Variants in STK3 observed in about 807,000 individuals in gnomAD.
The protein encoded by STK3 is serine/threonine kinase 3, also known as serine/threonine-protein kinase 3.
STK3 carries 41 observed loss-of-function variants against 58.0 expected under a neutral mutation model. The observed-to-expected ratio is 0.71, with a 90% CI of 0.55 to 0.92. The LOEUF is 0.92. STK3 is among the 40% of genes least tolerant of loss of function. The probability of loss-of-function intolerance (pLI) is 0.00; values close to 1 mark genes in which losing one functional copy is unlikely to be tolerated. For missense variants in STK3, 479 were observed against 602.7 expected (o/e 0.79, Z 2.15); for synonymous variants, 170 against 191.0 (o/e 0.89, Z 0.91).
chr8:98,519,110 C>T (rs1252768967), intron 10 of STK3, among the ~76,000 whole-genome samples: 1 of 152,072 alleles, frequency 6.6e-6, no homozygotes, highest in African/African-American at 2.4e-5. Flanking sequence ...TGCTTAAATA[C>T]TTCACTCAAC....
Position 98,707,081 on chromosome 8 carries a change from A to G in STK3, c.516+66T>C, listed in dbSNP as rs1826020152. 2.0e-6 allele frequency: 3 copies of G among 1,472,864 alleles called. No homozygotes were observed. The East Asian group carries it at 7.5e-5, about 37-fold the overall frequency. 91.2% of individuals were successfully genotyped at this position (1,472,864 alleles called of 1,614,324 possible). ...CCATTCCCCCTCAAAAAGTAATTGA[A>G]GTTTAGTTATAATCAAATCTGAACA... On this transcript the variant is annotated intron_variant, in intron 5 of 10. Transcript: ENST00000419617.
At chr8:98,365,841 C>A in the STK3 span, among the ~76,000 whole-genome samples, 6 of 152,170 alleles carry the variant, frequency 3.9e-5, no homozygotes, top group African/African-American at 1.4e-4. Context: ...CTAGATCTAG[C>A]TATATTGATA....
intron 4 of STK3, among the ~76,000 whole-genome samples, chr8:98,734,839 A>G (rs1828454400): frequency 6.6e-6 from 1 of 152,132 alleles, no homozygotes; most frequent in Non-Finnish European, 1.5e-5. Context: ...CTCAAAAAAA[A>G]AAAGCTCATA....
At chr8:98,646,175 T>C (rs1470685073) in intron 6 of STK3, among the ~76,000 whole-genome samples, 1 of 152,224 alleles carries the variant, frequency 6.6e-6, no homozygotes, top group Non-Finnish European at 1.5e-5. Flanking sequence ...ACTTTTCAAA[T>C]GCTACCACTG....
At chr8:98,384,247 C>A (rs2131004745) in intron 1 of STK3, among the ~76,000 whole-genome samples, 1 of 152,254 alleles carries the variant, frequency 6.6e-6, no homozygotes, top group South Asian at 2.1e-4. Flanking sequence ...CAACTGGAGG[C>A]TTCTAAAGGA....
chr8:98,809,919 T>C (rs779161078), intron 1 of STK3, among the ~76,000 whole-genome samples: 1 of 152,210 alleles, frequency 6.6e-6, no homozygotes, highest in Non-Finnish European at 1.5e-5. Flanking sequence ...AGAGGTTTAA[T>C]TGGCTCATGG....
chr8:98,916,978 G>A (rs137924881), intron 1 of STK3, among the ~76,000 whole-genome samples: 1 of 152,192 alleles, frequency 6.6e-6, no homozygotes, highest in African/African-American at 2.4e-5. Context: ...TGGAGGAGGA[G>A]CATCTGTTCT....
At position 98,428,241 on chromosome 8, in the gene STK3, G is replaced by A; in HGVS notation, n.483+5886C>T. Reference sequence around the variant, plus strand: ...CTACGTGCTGCATTTCTATCACACCGGCAAGCTTCACGTCATGGCTGAGCT... The same window carrying A: ...CTACGTGCTGCATTTCTATCACACCAGCAAGCTTCACGTCATGGCTGAGCT... On this transcript the variant is annotated intron_variant and non_coding_transcript_variant, in intron 3 of 3. Transcript: ENST00000517832. The surrounding 1 kb of genome is among the most constrained non-coding windows in gnomAD (Gnocchi z 6.7). 6.2e-7 allele frequency: 1 copy of A among 1,614,084 alleles called. No homozygotes were observed. Among genetic ancestry groups the A allele is most frequent in the Non-Finnish European group, 8.5e-7 (1 of 1,180,034 alleles).
intron 6 of STK3, chr8:98,638,602 T>C (rs1819787914): frequency 6.6e-6 from 1 of 152,180 alleles, no homozygotes; most frequent in South Asian, 2.1e-4. Context: ...TGAATAAAAG[T>C]GACTTCTTTA....
intron 7 of STK3, among the ~76,000 whole-genome samples, chr8:98,583,415 T>C (rs1427936277): frequency 1.3e-5 from 2 of 151,254 alleles, no homozygotes; most frequent in African/African-American, 4.9e-5. Flanking sequence ...AAGTGATTTT[T>C]ATGCAAACCA....
At chr8:98,917,457 CTAA>C in intron 1 of STK3, among the ~76,000 whole-genome samples, 1 of 152,266 alleles carries the variant, frequency 6.6e-6, no homozygotes, top group South Asian at 2.1e-4. Flanking sequence ...TCTTTAAATC[CTAA>C]CCCCCAATTT....
chr8:98,570,329 C>T lies in STK3; in HGVS notation c.948+9335G>A, dbSNP rs540637120. Among the ~76,000 whole-genome samples the T allele has an allele frequency of 1.4e-3, 218 of 150,808 alleles. 1 individual carries two copies. The highest frequency in any genetic ancestry group is 6.8e-3 in the Middle Eastern group (2 of 294). Reference sequence around the variant, plus strand: ...TTTTTAATTTTTTTTTTTGTAGAGACAGGGTTTCACTATGTTGCCCAGGCT... The same window carrying T: ...TTTTTAATTTTTTTTTTTGTAGAGATAGGGTTTCACTATGTTGCCCAGGCT... On this transcript the variant is annotated intron_variant, in intron 8 of 10. Transcript: ENST00000419617.
intron 10 of STK3, among the ~76,000 whole-genome samples, chr8:98,501,492 T>C (rs1466888009): frequency 6.6e-6 from 1 of 152,254 alleles, no homozygotes; most frequent in African/African-American, 2.4e-5. Context: ...GCCTATGTCC[T>C]GAATGGTATT....
At position 98,455,653 on chromosome 8, in the gene STK3, G is replaced by A. The variant is rs1819437449; in HGVS notation, c.*189C>T. ...CTTCTTTTGTTCTCCTCATCTTAGA[G>A]TGAATGCACAGCAGATACAACTGTC... is the stretch of plus-strand genomic sequence containing the variant. On this transcript the variant is annotated 3_prime_UTR_variant, in exon 11 of 11. Transcript: ENST00000419617. 3.2e-6 allele frequency: 2 copies of A among 620,542 alleles called. No individual in the cohort carries two copies. The highest frequency in any genetic ancestry group is 6.0e-5 in the Admixed American group (2 of 33,304). The allele number at this position is 620,542 out of a possible 1,614,324, so 38.4% of individuals were successfully genotyped here. A position where few individuals can be genotyped will look rare whatever the true frequency, so the allele number is the denominator to read the frequency against.
At chr8:98,709,768 G>A (rs543654408) in intron 4 of STK3, among the ~76,000 whole-genome samples, 21 of 152,110 alleles carry the variant, frequency 1.4e-4, no homozygotes, top group Middle Eastern at 3.4e-3. Flanking sequence ...CAACTAATAT[G>A]AATAGAAGGA....
At chr8:98,590,484 A>T (rs560222079) in intron 7 of STK3, among the ~76,000 whole-genome samples, 2 of 152,204 alleles carry the variant, frequency 1.3e-5, no homozygotes, top group African/African-American at 4.8e-5. Flanking sequence ...GGCGGATTTG[A>T]AATTGGTGAG....
At chr8:98,590,779 A>C (rs1255192156) in intron 7 of STK3, among the ~76,000 whole-genome samples, 1 of 152,194 alleles carries the variant, frequency 6.6e-6, no homozygotes, top group Non-Finnish European at 1.5e-5. Flanking sequence ...TTATCTTATG[A>C]ACTAAGTGAA....
intron 4 of STK3, among the ~76,000 whole-genome samples, chr8:98,743,263 G>C (rs1384255826): frequency 6.7e-6 from 1 of 148,402 alleles, no homozygotes; most frequent in African/African-American, 2.5e-5. Flanking sequence ...AAAAAAAAGA[G>C]CCCGCATCGC....
intron 2 of STK3, among the ~76,000 whole-genome samples, chr8:98,373,650 C>T (rs1398767628): frequency 6.6e-6 from 1 of 152,236 alleles, no homozygotes; most frequent in African/African-American, 2.4e-5. Flanking sequence ...GACCATGTCG[C>T]TTCACCATGC....
Sources: gnomAD v4.1 joint callset for allele counts (sites outside exome capture counted in the v4.1 genomes callset) on GRCh38, gnomAD v4.1.1 for gene constraint, Gnocchi (gnomAD v3.1) non-coding constraint, MANE v1.5 for transcripts, NCBI Gene and HGNC (gene_info 2026-07-23, HGNC 2026-07-21) for gene names.